INAVA: variants seen among roughly 807,000 people sequenced by gnomAD.
INAVA encodes the protein innate immunity activator protein.
INAVA carries 32 observed loss-of-function variants against 55.3 expected under a neutral mutation model. The observed-to-expected ratio is 0.58, with a 90% CI of 0.44 to 0.78. INAVA has a LOEUF of 0.78. Among genes scored for constraint, INAVA ranks in the 30% least tolerant of loss-of-function variants. The pLI is 0.00. For synonymous variants in INAVA, 294 were observed against 329.4 expected (o/e 0.89, Z 1.16); for missense variants, 756 against 786.4 (o/e 0.96, Z 0.46).
Position 200,911,383 on chromosome 1 carries a change from A to G in INAVA, c.960-70A>G. 2.1e-6 allele frequency: 3 copies of G among 1,435,392 alleles called. No homozygotes were observed. In the South Asian group the frequency reaches 3.8e-5, roughly 18 times the overall value. The allele number at this position is 1,435,392 out of a possible 1,614,324, so 88.9% of individuals were successfully genotyped here. A position where few individuals can be genotyped will look rare whatever the true frequency, so the allele number is the denominator to read the frequency against. ...AGCAGGACTCACCTGTTTTAACTCC[A>G]CCTCCCGCCCCAACCCCAGTGTGGA... is the stretch of plus-strand genomic sequence containing the variant. On this transcript the variant is annotated intron_variant, in intron 8 of 9. Transcript: ENST00000413687.
chr1:200,893,531 C>T (rs944121762), upstream of INAVA, among the ~76,000 whole-genome samples: 4 of 152,060 alleles, frequency 2.6e-5, no homozygotes, highest in African/African-American at 9.7e-5. Flanking sequence ...CGGTGTGTCA[C>T]GGAGGACTGG....
chr1:200,893,847 T>G (rs1668283265), upstream of INAVA, among the ~76,000 whole-genome samples: 1 of 143,780 alleles, frequency 7.0e-6, no homozygotes, highest in African/African-American at 2.6e-5. Flanking sequence ...CACTTGGGGG[T>G]AGGGAGTGGG....
At chr1:200,898,920 A>C (rs981658866) in intron 2 of INAVA, among the ~76,000 whole-genome samples, 1 of 152,170 alleles carries the variant, frequency 6.6e-6, no homozygotes, top group African/African-American at 2.4e-5. Flanking sequence ...CGGAGGTTGC[A>C]GTGAGCCGAG....
In INAVA at chr1:200,907,882, A is replaced by C. The variant is rs1025424742; in HGVS notation, c.569A>C (p.Glu190Ala). Residue 190 changes from glutamate (E) to alanine (A), a missense_variant, in exon 6 of 10, where the codon GAG becomes GCG. Glu to Ala is a moderately radical substitution (Grantham distance 107). Coordinates refer to ENST00000413687, the MANE Select transcript of INAVA (RefSeq NM_001142569.3). ...DSSLSDGLLLEEEESQVPKPP... is the reference protein window; with the variant it reads ...DSSLSDGLLLAEEESQVPKPP... Reference sequence around the variant, plus strand: ...TCCCTGTCAGATGGGCTCCTCCTGGAGGAAGGTGAGAAGGACGTTTGGGGG... The same window carrying C: ...TCCCTGTCAGATGGGCTCCTCCTGGCGGAAGGTGAGAAGGACGTTTGGGGG... 1 of 1,612,088 alleles carries C rather than the reference A, an allele frequency of 6.2e-7. No homozygotes were observed. The highest frequency in any genetic ancestry group is 1.7e-5 in the Admixed American group (1 of 59,962).
chr1:200,894,707 T>A (rs751374204), upstream of INAVA: 141 of 794,078 alleles, frequency 1.8e-4, no homozygotes, highest in Non-Finnish European at 2.0e-4. Context: ...GACATGACTC[T>A]TGTTGTTGTC....
At chr1:200,902,220 T>G (rs1653291240) in intron 5 of INAVA, among the ~76,000 whole-genome samples, 1 of 152,234 alleles carries the variant, frequency 6.6e-6, no homozygotes, top group Admixed American at 6.5e-5. Flanking sequence ...AGACTACTCC[T>G]CAGCCTGGGA....
chr1:200,909,042 TGGA>T (rs1385301506), intron 7 of INAVA, 102 bp downstream of exon 7: 13 of 1,353,964 alleles, frequency 9.6e-6, no homozygotes, highest in Non-Finnish European at 1.3e-5. Flanking sequence ...AGTGGAAAGG[TGGA>T]GGAGAGAGCT....
At chr1:200,899,620 C>A in intron 3 of INAVA, 23 bp downstream of exon 3, 7 of 1,609,992 alleles carry the variant, frequency 4.3e-6, no homozygotes, top group Non-Finnish European at 5.9e-6. Context: ...CCAGCACACA[C>A]AAGCATCGGG....
intron 5 of INAVA, among the ~76,000 whole-genome samples, chr1:200,907,509 T>C (rs1199281698): frequency 1.3e-5 from 2 of 151,876 alleles, no homozygotes; most frequent in Admixed American, 1.3e-4. Context: ...AATAAAATAA[T>C]TTAGCTGGGT....
chr1:200,898,410 A>G lies in INAVA; in HGVS notation c.10A>G (p.Lys4Glu), dbSNP rs1653052932. 1.2e-6 allele frequency: 2 copies of G among 1,613,956 alleles called. No homozygotes were observed. The highest frequency in any genetic ancestry group is 1.7e-6 in the Non-Finnish European group (2 of 1,179,970). The change falls in exon 2 of 10, where the codon AAG becomes GAG. Residue 4 changes from lysine (K) to glutamate (E), a missense_variant. Physicochemically the swap from Lys to Glu is moderately conservative, Grantham distance 56. Around this residue, in one of 2 missense-constraint regions of INAVA, gnomAD observed 639 missense variants for 624.3 expected, o/e 1.02. Coordinates refer to ENST00000413687, the MANE Select transcript of INAVA (RefSeq NM_001142569.3). ...CTTCCAGAAATCCACCATGGAGAGT[A>G]AGGATGAGGTCAGCGACACCGACAG... The part of the protein sequence containing the change: MES[K>E]DEVSDTDSGI...
In INAVA at chr1:200,913,641, A is replaced by G. The variant is rs1420750093; in HGVS notation, c.*12A>G. On this transcript the variant is annotated 3_prime_UTR_variant, in exon 10 of 10. Coordinates refer to ENST00000413687, the MANE Select transcript of INAVA (RefSeq NM_001142569.3). ...TCAGCCAGGTGTAACTCTGCGCCCC[A>G]CGCTGGAAAAAACTGTTTCATAGAG... The G allele has an allele frequency of 9.3e-6, 15 of 1,610,212 alleles. No individual in the cohort carries two copies. The highest frequency in any genetic ancestry group is 1.3e-5 in the Non-Finnish European group (15 of 1,177,544).
chr1:200,909,020 G>A, intron 7 of INAVA, 80 bp downstream of exon 7: 1 of 1,439,668 alleles, frequency 6.9e-7, no homozygotes, highest in Non-Finnish European at 9.3e-7. Flanking sequence ...CTATAGGCTG[G>A]GCAGATGGAA....
intron 5 of INAVA, among the ~76,000 whole-genome samples, chr1:200,903,589 G>A (rs1653355093): frequency 6.6e-6 from 1 of 151,804 alleles, no homozygotes; most frequent in Admixed American, 6.6e-5. Context: ...TGGATCACTT[G>A]AGGTCGGGAG....
intron 4 of INAVA, among the ~76,000 whole-genome samples, chr1:200,900,456 C>A (rs1024923954): frequency 6.6e-6 from 1 of 152,214 alleles, no homozygotes; most frequent in Non-Finnish European, 1.5e-5. Context: ...GGGTTTGACC[C>A]CATTGGGCAG....
chr1:200,892,416 T>TA (rs199511906), upstream of INAVA, among the ~76,000 whole-genome samples: 312 of 151,424 alleles, frequency 2.1e-3, 1 homozygote, highest in Non-Finnish European at 1.7e-3. Context: ...GAACTTTTTT[T>TA]TAAAAAAAAT....
chr1:200,908,703 C>G, intron 6 of INAVA, 27 bp from the exon 7 acceptor site: 1 of 1,521,630 alleles, frequency 6.6e-7, no homozygotes, highest in Non-Finnish European at 8.8e-7. Context: ...AGCCTCTGGC[C>G]TTACCAGGTT....
upstream of INAVA, among the ~76,000 whole-genome samples, chr1:200,894,373 T>A (rs1312387712): frequency 1.3e-5 from 2 of 152,210 alleles, no homozygotes; most frequent in East Asian, 3.8e-4. Context: ...TCTAGGATTC[T>A]AGAACTTCTG....
chr1:200,896,549 A>C (rs1231458458), intron 1 of INAVA, among the ~76,000 whole-genome samples: 1 of 152,250 alleles, frequency 6.6e-6, no homozygotes, highest in Non-Finnish European at 1.5e-5. Flanking sequence ...TAAAGTTAAA[A>C]AAAATAATTC....
rs1571862166 is a variant in INAVA at position 200,900,019 on chromosome 1, G to A, written c.181-85G>A. The A allele has an allele frequency of 1.4e-5, 16 of 1,166,730 alleles. No individual in the cohort carries two copies. In the East Asian group the frequency reaches 4.1e-4, roughly 30 times the overall value. 72.3% of individuals were successfully genotyped at this position (1,166,730 alleles called of 1,614,324 possible). ...GGGTGGTCCCACCAGGGCTTCTATG[G>A]AAGGCAGGCACATGCAGTGCAGGGG... On this transcript the variant is annotated intron_variant, in intron 3 of 9. Transcript: ENST00000413687.
Sources: gnomAD v4.1 joint callset for allele counts (sites outside exome capture counted in the v4.1 genomes callset) on GRCh38, gnomAD v4.1.1 for gene constraint, gnomAD v4.1.1 regional missense constraint, MANE v1.5 for transcripts, NCBI Gene and HGNC (gene_info 2026-07-23, HGNC 2026-07-21) for gene names.